The following SLC44A5 variants were observed in gnomAD, a reference collection of about 807,000 sequenced individuals.
SLC44A5 encodes the protein solute carrier family 44 member 5, also known as choline transporter-like protein 5.
In SLC44A5, 57 loss-of-function variants were observed where a neutral mutation model predicts 101.8. The ratio of observed to expected loss-of-function variants is 0.56; its 90% CI spans 0.45 to 0.70. The LOEUF (loss-of-function observed/expected upper bound fraction) is 0.70, where lower values mean the gene tolerates loss of function less well. SLC44A5 is among the 30% of genes least tolerant of loss of function. The pLI is 0.00. For synonymous variants in SLC44A5, 281 were observed against 290.9 expected, an observed-to-expected ratio of 0.97 and a Z score of 0.35; for missense variants, 737 against 853.1, an observed-to-expected ratio of 0.86 and a Z score of 1.70.
chr1:75,630,362 C>T, the SLC44A5 span, among the ~76,000 whole-genome samples: 3 of 152,154 alleles, frequency 2.0e-5, no homozygotes, highest in African/African-American at 7.2e-5. Flanking sequence ...CAGAAACATT[C>T]ACCATTAGCC....
the SLC44A5 span, among the ~76,000 whole-genome samples, chr1:75,627,869 C>G: frequency 2.7e-5 from 4 of 148,478 alleles, no homozygotes; most frequent in South Asian, 6.6e-4. Flanking sequence ...TTAATTGATT[C>G]ATTCATTCAG....
chr1:75,478,922 C>A (rs1384133357), intron 2 of SLC44A5, among the ~76,000 whole-genome samples: 1 of 152,204 alleles, frequency 6.6e-6, no homozygotes, highest in Non-Finnish European at 1.5e-5. Flanking sequence ...CTACAGAACT[C>A]TCCACCCCAA....
intron 23 of SLC44A5, among the ~76,000 whole-genome samples, chr1:75,207,492 C>T (rs1646771136): frequency 6.6e-6 from 1 of 152,154 alleles, no homozygotes; most frequent in South Asian, 2.1e-4. Context: ...AACAAGGATA[C>T]ATTTGCATGA....
chr1:75,266,064 C>G (rs920729360), intron 6 of SLC44A5, among the ~76,000 whole-genome samples: 16 of 152,146 alleles, frequency 1.1e-4, no homozygotes, highest in African/African-American at 3.4e-4. Flanking sequence ...GTAAAAACCC[C>G]TGGTGTTTCT....
chr1:75,667,600 G>GAAAACA, the SLC44A5 span, among the ~76,000 whole-genome samples: 7 of 151,930 alleles, frequency 4.6e-5, no homozygotes, highest in African/African-American at 1.7e-4. Context: ...TATGGAACCA[G>GAAAACA]AAAACAAAAA....
chr1:75,435,705 G>C (rs1331993972), intron 2 of SLC44A5, among the ~76,000 whole-genome samples: 1 of 152,056 alleles, frequency 6.6e-6, no homozygotes, highest in Non-Finnish European at 1.5e-5. Flanking sequence ...GAGAACCCAA[G>C]ACTCAAACTT....
chr1:75,621,525 T>G, the SLC44A5 span, among the ~76,000 whole-genome samples: 1 of 152,114 alleles, frequency 6.6e-6, no homozygotes, highest in East Asian at 1.9e-4. Flanking sequence ...GCAATTGCAG[T>G]GAAAAGGTTG....
chr1:75,628,518 T>A, the SLC44A5 span, among the ~76,000 whole-genome samples: 1 of 152,162 alleles, frequency 6.6e-6, no homozygotes, highest in East Asian at 1.9e-4. Flanking sequence ...TTTCTACAAC[T>A]GACAAATGGC....
intron 1 of SLC44A5, among the ~76,000 whole-genome samples, chr1:75,542,939 T>C (rs1210193514): frequency 6.6e-6 from 1 of 152,292 alleles, no homozygotes; most frequent in African/African-American, 2.4e-5. Context: ...CTAAGATCTA[T>C]CAACCACTAG....
intron 2 of SLC44A5, among the ~76,000 whole-genome samples, chr1:75,431,803 A>T (rs908405985): frequency 1.3e-5 from 2 of 152,218 alleles, no homozygotes; most frequent in African/African-American, 4.8e-5. Flanking sequence ...GGAATAGGTC[A>T]GTCCTTTAGA....
chr1:75,545,798 GT>G (rs1177699939), intron 1 of SLC44A5, among the ~76,000 whole-genome samples: 2 of 148,926 alleles, frequency 1.3e-5, no homozygotes, highest in African/African-American at 4.9e-5. Flanking sequence ...ACATTTATTA[GT>G]TAATTAACCA....
the SLC44A5 span, among the ~76,000 whole-genome samples, chr1:75,700,013 T>G: frequency 6.6e-6 from 1 of 152,098 alleles, no homozygotes; most frequent in Non-Finnish European, 1.5e-5. Flanking sequence ...AAGCAAGTCC[T>G]GAGTGACCTA....
intron 2 of SLC44A5, among the ~76,000 whole-genome samples, chr1:75,445,532 A>C (rs1665512494): frequency 6.7e-6 from 1 of 148,176 alleles, no homozygotes; most frequent in African/African-American, 2.5e-5. Flanking sequence ...TGTATATATT[A>C]CGTAATATAT....
intron 2 of SLC44A5, among the ~76,000 whole-genome samples, chr1:75,519,942 G>T (rs983565641): frequency 6.6e-6 from 1 of 152,192 alleles, no homozygotes; most frequent in Admixed American, 6.5e-5. Context: ...AGCTGATGTA[G>T]GACCAGCTCA....
intron 2 of SLC44A5, among the ~76,000 whole-genome samples, chr1:75,467,380 C>A (rs1327908851): frequency 6.6e-6 from 1 of 151,916 alleles, no homozygotes; most frequent in Non-Finnish European, 1.5e-5. Context: ...CAAAGCTATC[C>A]CAAGCAAAAA....
intron 2 of SLC44A5, among the ~76,000 whole-genome samples, chr1:75,477,249 T>A (rs894108476): frequency 6.6e-6 from 1 of 152,040 alleles, no homozygotes; most frequent in Non-Finnish European, 1.5e-5. Context: ...CAAAAACCCA[T>A]CTGTACATTA....
chr1:75,332,901 T>C (rs2101006842), intron 4 of SLC44A5, among the ~76,000 whole-genome samples: 1 of 152,306 alleles, frequency 6.6e-6, no homozygotes, highest in African/African-American at 2.4e-5. Context: ...CTCAAATCAT[T>C]GTGACAACAC....
intron 5 of SLC44A5, among the ~76,000 whole-genome samples, chr1:75,290,491 C>T (rs1653448818): frequency 6.6e-6 from 1 of 152,092 alleles, no homozygotes; most frequent in South Asian, 2.1e-4. Flanking sequence ...AAGAAGTAAC[C>T]CAAACCCAGG....
Position 75,465,264 on chromosome 1 carries a change from T to G in SLC44A5, c.14-68643A>C, listed in dbSNP as rs193123435. On this transcript the variant is annotated intron_variant, in intron 2 of 23. Coordinates refer to ENST00000370859, the MANE Select transcript of SLC44A5 (RefSeq NM_001130058.2). Reference sequence around the variant, plus strand: ...GGAAACTATACAAATGCATGGAAATTAAACAATATGCTCCTGGATATGGGT... The same window carrying G: ...GGAAACTATACAAATGCATGGAAATGAAACAATATGCTCCTGGATATGGGT... Among the ~76,000 whole-genome samples, 393 of 152,186 alleles carry G rather than the reference T, an allele frequency of 2.6e-3. 1 individual carries two copies. The highest frequency in any genetic ancestry group is 9.1e-3 in the African/African-American group (377 of 41,534).
Sources: allele counts gnomAD v4.1 joint callset (sites outside exome capture counted in the v4.1 genomes callset), GRCh38; gene constraint gnomAD v4.1.1; transcripts MANE v1.5; gene names NCBI Gene and HGNC (gene_info 2026-07-23, HGNC 2026-07-21).